Variants in SLC38A12 observed in about 807,000 individuals in gnomAD.
The protein encoded by SLC38A12 is putative sodium-coupled neutral amino acid transporter 12.
chr17:74,803,324 T>C, the SLC38A12 span, among the ~76,000 whole-genome samples: 1 of 151,292 alleles, frequency 6.6e-6, no homozygotes, highest in African/African-American at 2.4e-5. Context: ...GGGCTTGGGG[T>C]GGACATCATA....
At chr17:74,815,867 C>T in the SLC38A12 span, among the ~76,000 whole-genome samples, 2 of 152,154 alleles carry the variant, frequency 1.3e-5, no homozygotes, top group Admixed American at 6.5e-5. Flanking sequence ...GTGACTGAGC[C>T]CTTGGTACCC....
the SLC38A12 span, among the ~76,000 whole-genome samples, chr17:74,831,033 AG>A: frequency 6.6e-6 from 1 of 152,222 alleles, no homozygotes; most frequent in African/African-American, 2.4e-5. Flanking sequence ...CTGCTCCTAA[AG>A]CATGAGGAGT....
the SLC38A12 span, among the ~76,000 whole-genome samples, chr17:74,781,039 T>C: frequency 3.3e-5 from 5 of 152,286 alleles, no homozygotes; most frequent in African/African-American, 1.2e-4. Flanking sequence ...GTCAGGACAG[T>C]ACTGGTTGGA....
the SLC38A12 span, chr17:74,837,004 T>G: frequency 1.8e-6 from 2 of 1,137,666 alleles, no homozygotes; most frequent in Non-Finnish European, 2.2e-6. Flanking sequence ...CCAACCCTAC[T>G]TCCAGGGCGG....
the SLC38A12 span, chr17:74,794,968 A>C: frequency 6.7e-7 from 1 of 1,500,012 alleles, no homozygotes; most frequent in Non-Finnish European, 9.2e-7. Context: ...AAACATGCAG[A>C]CATCTCTTTG....
chr17:74,796,028 C>T, the SLC38A12 span, among the ~76,000 whole-genome samples: 1 of 152,166 alleles, frequency 6.6e-6, no homozygotes, highest in Non-Finnish European at 1.5e-5. Flanking sequence ...GCATATGGTT[C>T]GATGCTGGGT....
the SLC38A12 span, among the ~76,000 whole-genome samples, chr17:74,814,156 G>C: frequency 1.3e-5 from 2 of 152,206 alleles, no homozygotes; most frequent in African/African-American, 2.4e-5. Flanking sequence ...GAGCCAAGCA[G>C]ACTGAGAGTG....
At chr17:74,838,922 G>A in the SLC38A12 span, 2 of 1,535,780 alleles carry the variant, frequency 1.3e-6, no homozygotes, top group East Asian at 2.4e-5. Flanking sequence ...AAGAGCAGAA[G>A]AGGATGCCAG....
chr17:74,796,885 T>A, the SLC38A12 span, among the ~76,000 whole-genome samples: 226 of 152,264 alleles, frequency 1.5e-3, no homozygotes, highest in African/African-American at 4.9e-3. Flanking sequence ...GCCTCTTAGC[T>A]CTCAACAAAC....
At chr17:74,831,338 A>G in the SLC38A12 span, among the ~76,000 whole-genome samples, 1 of 152,214 alleles carries the variant, frequency 6.6e-6, no homozygotes, top group Non-Finnish European at 1.5e-5. Context: ...TGGCCAGCAT[A>G]GTGCCCAGCA....
At chr17:74,822,063 C>T in the SLC38A12 span, among the ~76,000 whole-genome samples, 2 of 152,166 alleles carry the variant, frequency 1.3e-5, no homozygotes, top group Admixed American at 6.5e-5. Flanking sequence ...AGATTCCTCC[C>T]CGTGTCTGGG....
chr17:74,796,331 G>T, the SLC38A12 span, among the ~76,000 whole-genome samples: 1 of 152,114 alleles, frequency 6.6e-6, no homozygotes, highest in African/African-American at 2.4e-5. Flanking sequence ...CTTCCTCTTG[G>T]TCCTCCTCAG....
the SLC38A12 span, among the ~76,000 whole-genome samples, chr17:74,801,193 G>A: frequency 3.9e-5 from 6 of 152,268 alleles, no homozygotes; most frequent in South Asian, 2.1e-4. Flanking sequence ...CCCTCCCAAC[G>A]CACCTCTTGT....
chr17:74,835,076 C>G, the SLC38A12 span, among the ~76,000 whole-genome samples: 2 of 152,210 alleles, frequency 1.3e-5, no homozygotes, highest in African/African-American at 4.8e-5. Context: ...TAAAGGGCTG[C>G]GAACTGAAGC....
chr17:74,808,728 G>A, the SLC38A12 span, among the ~76,000 whole-genome samples: 3 of 152,208 alleles, frequency 2.0e-5, no homozygotes, highest in African/African-American at 7.2e-5. Flanking sequence ...TAGAAGCTTG[G>A]AGACAACAGG....
the SLC38A12 span, chr17:74,788,849 G>A: frequency 1.2e-6 from 2 of 1,613,342 alleles, no homozygotes; most frequent in Non-Finnish European, 1.7e-6. Flanking sequence ...AGCTCCACTG[G>A]AAGAGGATGG....
chr17:74,795,209 G>A, the SLC38A12 span: 2 of 1,006,752 alleles, frequency 2.0e-6, no homozygotes, highest in East Asian at 2.4e-5. Context: ...TGCCAAGTGA[G>A]TTCATTGCAT....
chr17:74,804,005 T>C, the SLC38A12 span, among the ~76,000 whole-genome samples: 31,084 of 152,194 alleles, frequency 0.2, 4,134 homozygotes, highest in East Asian at 0.42. Flanking sequence ...CATGGAATGT[T>C]CTTCAATATT....
chr17:74,804,281 T>C, the SLC38A12 span, among the ~76,000 whole-genome samples: 7 of 152,268 alleles, frequency 4.6e-5, no homozygotes, highest in Non-Finnish European at 8.8e-5. Context: ...GTAATAGCCG[T>C]GATCCTTCGT....
Sources: gnomAD v4.1 joint callset for allele counts (sites outside exome capture counted in the v4.1 genomes callset) on GRCh38, gnomAD v4.1.1 for gene constraint, MANE v1.5 for transcripts, NCBI Gene and HGNC (gene_info 2026-07-23, HGNC 2026-07-21) for gene names.